Variants in ZNF483 observed in about 807,000 individuals in gnomAD.
ZNF483 encodes zinc finger protein 483.
A neutral mutation model predicts 28.6 loss-of-function variants in ZNF483; 9 were observed. The observed-to-expected ratio is 0.32, with a 90% CI of 0.19 to 0.55. The LOEUF is 0.55. Ranked by LOEUF, ZNF483 falls within the 20% of genes least tolerant of loss-of-function variation. The pLI is 0.93. For synonymous variants in ZNF483, 322 were observed against 306.2 expected (o/e 1.05, Z -0.54); for missense variants, 675 against 871.7 (o/e 0.77, Z 2.84).
At chr9:111,561,906 A>G (rs1014411612) in intron 5 of ZNF483, among the ~76,000 whole-genome samples, 1 of 151,814 alleles carries the variant, frequency 6.6e-6, no homozygotes, top group Admixed American at 6.6e-5. Context: ...TTTTTCTGAG[A>G]TGGAGTTTTG....
At position 111,527,773 on chromosome 9, in the gene ZNF483, A is replaced by T; in HGVS notation, c.378A>T (p.Leu126=). 1 of 1,614,146 alleles carries T rather than the reference A, an allele frequency of 6.2e-7. No individual in the cohort carries two copies. Among genetic ancestry groups the T allele is most frequent in the South Asian group, 1.1e-5 (1 of 91,078 alleles). Reference sequence around the variant, plus strand: ...AGAGTAGTGAGGAAGTGGTGACCCTAATAGAAGATTTGACCCAGATGCTTG... The same window carrying T: ...AGAGTAGTGAGGAAGTGGTGACCCTTATAGAAGATTTGACCCAGATGCTTG... ...HPESSEEVVT[L]IEDLTQMLEE... is the part of the protein sequence containing the mutation. Residue 126 remains leucine, a synonymous_variant, in exon 2 of 6, where the codon CTA becomes CTT. Transcript: ENST00000309235.
rs1167132009 is a variant in ZNF483, at chr9:111,543,628, T to C, written c.*458T>C. On this transcript the variant is annotated 3_prime_UTR_variant, in exon 6 of 6. Transcript: ENST00000309235. ...TGGGATTAATGATTTTTGCCTTTTTTGGTTTTTTAGTTTTTTATTGGTATC... is the reference window on the plus strand; with the variant it reads ...TGGGATTAATGATTTTTGCCTTTTTCGGTTTTTTAGTTTTTTATTGGTATC... The C allele has an allele frequency of 1.0e-6, 1 of 986,218 alleles. No homozygotes were observed. Among genetic ancestry groups the C allele is most frequent in the African/African-American group, 1.7e-5 (1 of 57,272 alleles). The allele number at this position is 986,218 out of a possible 1,614,324, so 61.1% of individuals were successfully genotyped here.
downstream of ZNF483, among the ~76,000 whole-genome samples, chr9:111,559,562 CCTT>C (rs1295812314): frequency 2.0e-5 from 3 of 152,050 alleles, no homozygotes; most frequent in African/African-American, 4.8e-5. Context: ...CCCAACCCCT[CCTT>C]CTTCCTGCTC....
chr9:111,531,297 G>C (rs1282477390), intron 3 of ZNF483, among the ~76,000 whole-genome samples: 1 of 152,168 alleles, frequency 6.6e-6, no homozygotes, highest in Non-Finnish European at 1.5e-5. Context: ...GAGTCTGATT[G>C]TAATGAAACA....
chr9:111,574,848 C>T (rs930407013), intron 5 of ZNF483: 1 of 1,595,872 alleles, frequency 6.3e-7, no homozygotes, highest in Non-Finnish European at 8.6e-7. Flanking sequence ...CCTACCTAAA[C>T]AGATAGCAAA....
At chr9:111,541,505 A>G (rs917215048) in intron 5 of ZNF483, 152 bp from the exon 6 acceptor site, 4 of 577,002 alleles carry the variant, frequency 6.9e-6, no homozygotes, top group African/African-American at 5.7e-5. Flanking sequence ...GTTTCCCTAT[A>G]TTGCCTTTTC....
chr9:111,568,329 T>C (rs1283494888), intron 5 of ZNF483, among the ~76,000 whole-genome samples: 1 of 152,122 alleles, frequency 6.6e-6, no homozygotes, highest in African/African-American at 2.4e-5. Flanking sequence ...GTCTTATGCA[T>C]TTGAGATAAG....
chr9:111,529,386 C>G (rs889939948), intron 2 of ZNF483, among the ~76,000 whole-genome samples: 4 of 152,164 alleles, frequency 2.6e-5, no homozygotes, highest in African/African-American at 9.7e-5. Context: ...CCTTGTGGAG[C>G]AGGGATCACT....
downstream of ZNF483, among the ~76,000 whole-genome samples, chr9:111,559,170 G>A (rs1006907309): frequency 6.6e-6 from 1 of 152,024 alleles, no homozygotes; most frequent in South Asian, 2.1e-4. Context: ...GGATCCAACC[G>A]CCCATACCAG....
intron 5 of ZNF483, chr9:111,563,301 G>T: frequency 7.1e-7 from 1 of 1,404,498 alleles, no homozygotes; most frequent in South Asian, 1.4e-5. Flanking sequence ...TCTCATCCTA[G>T]CAACAAATTT....
At chr9:111,566,174 G>A (rs1828553449) in intron 5 of ZNF483, among the ~76,000 whole-genome samples, 2 of 152,106 alleles carry the variant, frequency 1.3e-5, no homozygotes, top group South Asian at 4.1e-4. Flanking sequence ...CTGCACTCCA[G>A]CCTGGACGAC....
chr9:111,539,112 C>CAAAA (rs11367090), intron 5 of ZNF483, among the ~76,000 whole-genome samples: 5 of 64,896 alleles, frequency 7.7e-5, no homozygotes, highest in African/African-American at 1.3e-4. Context: ...GACTCCGTCT[C>CAAAA]AAAAAAAAAA....
In ZNF483 at chr9:111,527,417, A is replaced by G. The variant is rs2132210784; in HGVS notation, c.22A>G (p.Asn8Asp). The G allele has an allele frequency of 6.2e-7, 1 of 1,613,770 alleles. No homozygotes were observed. The highest frequency in any genetic ancestry group is 2.2e-5 in the East Asian group (1 of 44,880). Residue 8 changes from asparagine to aspartate, a missense_variant, in exon 2 of 6, where the codon AAC (asparagine) becomes GAC (aspartate). This residue lies in a region of ZNF483 where 525 missense variants were observed against 581.8 expected (regional missense o/e 0.90). Coordinates refer to ENST00000309235, the MANE Select transcript of ZNF483 (RefSeq NM_133464.5). ...CACAATGCAAGCTGTAGTGCCCTTGAACAAGATGACAGCCATCTCACCAGA... is the reference window on the plus strand; with the variant it reads ...CACAATGCAAGCTGTAGTGCCCTTGGACAAGATGACAGCCATCTCACCAGA... The part of the protein sequence containing the change: MQAVVPL[N>D]KMTAISPEPQ...
At chr9:111,573,999 G>A in intron 5 of ZNF483, among the ~76,000 whole-genome samples, 1 of 152,126 alleles carries the variant, frequency 6.6e-6, no homozygotes, top group East Asian at 1.9e-4. Flanking sequence ...AGGCCAAGAC[G>A]CCCTACTGCT....
rs762094005 is a variant in ZNF483 at position 111,527,554 on chromosome 9, G to C, written c.159G>C (p.Gln53His). The C allele has an allele frequency of 3.2e-5, 51 of 1,614,124 alleles. No homozygotes were observed. The highest frequency in any genetic ancestry group is 3.7e-5 in the Non-Finnish European group (44 of 1,180,056). ...GNAADAESFR[Q>H]RFRWFCYSEV... is the part of the protein sequence containing the mutation. ...CTGCTGATGCAGAGTCTTTCAGACA[G>C]AGGTTTAGGTGGTTTTGTTACTCAG... The change falls in exon 2 of 6, where the codon CAG (glutamine) becomes CAC (histidine). Residue 53 changes from glutamine to histidine, a missense_variant. By Grantham distance (24) the Gln-to-His change is conservative (BLOSUM62 0). This residue lies in a region of ZNF483 where 525 missense variants were observed against 581.8 expected (regional missense o/e 0.90). Coordinates refer to ENST00000309235, the MANE Select transcript of ZNF483 (RefSeq NM_133464.5).
intron 5 of ZNF483, among the ~76,000 whole-genome samples, chr9:111,540,459 G>C (rs1040982851): frequency 6.6e-6 from 1 of 152,214 alleles, no homozygotes; most frequent in Admixed American, 6.5e-5. Flanking sequence ...CGTAATCAGT[G>C]AGAGTATGGT....
At chr9:111,534,759 C>T (rs959814191) in intron 5 of ZNF483, among the ~76,000 whole-genome samples, 1 of 142,862 alleles carries the variant, frequency 7.0e-6, no homozygotes, top group African/African-American at 2.7e-5. Context: ...AGTCTCACAC[C>T]GTCTCCCGAG....
At chr9:111,529,281 TAAG>T (rs947891030) in intron 2 of ZNF483, among the ~76,000 whole-genome samples, 20 of 152,242 alleles carry the variant, frequency 1.3e-4, no homozygotes, top group Admixed American at 7.2e-4. Context: ...ATTCTTTTCA[TAAG>T]AAGGTAGAGT....
Position 111,554,939 on chromosome 9 carries a change from G to A in ZNF483, c.*11769G>A, listed in dbSNP as rs1388474032. ...ACTTTTTGCCTTTGGGACCCTAAAT[G>A]TCAGTGCCTGTTAATTTTTCTTTGA... is the stretch of plus-strand genomic sequence containing the variant. On this transcript the variant is annotated 3_prime_UTR_variant, in exon 6 of 6. Transcript: ENST00000309235. Among the ~76,000 whole-genome samples the A allele has an allele frequency of 6.6e-6, 1 of 152,154 alleles. No individual in the cohort carries two copies. Among genetic ancestry groups the A allele is most frequent in the Non-Finnish European group, 1.5e-5 (1 of 68,036 alleles).
Sources: allele counts gnomAD v4.1 joint callset (sites outside exome capture counted in the v4.1 genomes callset), GRCh38; gene constraint gnomAD v4.1.1; regional missense constraint gnomAD v4.1.1; transcripts MANE v1.5; gene names NCBI Gene and HGNC (gene_info 2026-07-23, HGNC 2026-07-21).